Variants in PTPRK observed in about 807,000 individuals in gnomAD.
PTPRK encodes the protein protein tyrosine phosphatase receptor type K, also known as receptor-type tyrosine-protein phosphatase kappa.
Under a neutral mutation model 178.0 loss-of-function variants are expected in PTPRK, and 75 were observed. That is an observed-to-expected ratio of 0.42 (90% CI 0.35 to 0.51). The LOEUF (loss-of-function observed/expected upper bound fraction) is 0.51, where lower values mean the gene tolerates loss of function less well. PTPRK is among the 20% of genes least tolerant of loss of function. The pLI, the probability that PTPRK is intolerant of heterozygous loss-of-function variation, is 0.02. For synonymous variants in PTPRK, 637 were observed against 620.6 expected (o/e 1.03, Z -0.39); for missense variants, 1,441 against 1,797.8 (o/e 0.80, Z 3.59).
chr6:128,136,770 T>C (rs867100615), intron 7 of PTPRK, among the ~76,000 whole-genome samples: 9 of 152,204 alleles, frequency 5.9e-5, no homozygotes, highest in South Asian at 2.1e-4. Context: ...ACTTGGGTGA[T>C]AGCCAACAAA....
intron 1 of PTPRK, among the ~76,000 whole-genome samples, chr6:128,462,948 C>T (rs1394104410): frequency 2.0e-5 from 3 of 152,012 alleles, no homozygotes; most frequent in Admixed American, 6.6e-5. Flanking sequence ...TGGGAGCCAC[C>T]GTGCCCAGTC....
intron 1 of PTPRK, among the ~76,000 whole-genome samples, chr6:128,420,131 C>G (rs533056958): frequency 6.6e-6 from 1 of 152,296 alleles, no homozygotes; most frequent in South Asian, 2.1e-4. Flanking sequence ...TTGCACTTTG[C>G]TTAAAATGTA....
intron 2 of PTPRK, among the ~76,000 whole-genome samples, chr6:128,391,038 T>C (rs1160047487): frequency 6.6e-6 from 1 of 152,136 alleles, no homozygotes; most frequent in Non-Finnish European, 1.5e-5. Context: ...GGTGAGAATG[T>C]AGGGGATTAT....
At chr6:128,268,510 T>C (rs1819298639) in intron 3 of PTPRK, among the ~76,000 whole-genome samples, 1 of 151,960 alleles carries the variant, frequency 6.6e-6, no homozygotes, top group African/African-American at 2.4e-5. Flanking sequence ...GGGAATGGGG[T>C]CCTTATTCAG....
chr6:128,134,429 C>A (rs143431677), intron 7 of PTPRK, among the ~76,000 whole-genome samples: 37 of 152,254 alleles, frequency 2.4e-4, no homozygotes, highest in African/African-American at 8.4e-4. Context: ...TAGTTTTATG[C>A]GTCAGCTTGG....
At chr6:128,504,835 G>C (rs1264679526) in intron 1 of PTPRK, among the ~76,000 whole-genome samples, 1 of 152,046 alleles carries the variant, frequency 6.6e-6, no homozygotes, top group East Asian at 1.9e-4. Context: ...TTTCATTATA[G>C]AGATCTCCCA....
intron 13 of PTPRK, among the ~76,000 whole-genome samples, chr6:128,059,666 CG>C (rs1416167040): frequency 1.3e-5 from 2 of 152,078 alleles, no homozygotes; most frequent in African/African-American, 4.8e-5. Flanking sequence ...CTCCCGTAGA[CG>C]TGGCCATAAA....
chr6:128,078,914 T>C lies in PTPRK; in HGVS notation c.1782A>G (p.Pro594=). ...AINVTTNISA[P]TLPDYEGVDA... ...CAACTCCTTCATAGTCAGGTAAAGT[T>C]GGAGCTGATGAGTGATTAATGAGAT... The change falls in exon 11 of 30, where the codon CCA becomes CCG. Residue 594 remains proline (P), a synonymous_variant. Transcript: ENST00000368226. The C allele has an allele frequency of 6.3e-7, 1 of 1,596,160 alleles. No individual in the cohort carries two copies. The highest frequency in any genetic ancestry group is 1.3e-5 in the African/African-American group (1 of 74,568).
At chr6:128,119,336 G>A (rs757312931) in intron 7 of PTPRK, among the ~76,000 whole-genome samples, 2 of 151,358 alleles carry the variant, frequency 1.3e-5, no homozygotes, top group East Asian at 1.9e-4. Context: ...AGATCAAAAT[G>A]AATTGTATTA....
At chr6:128,513,354 G>A (rs1050225594) in intron 1 of PTPRK, among the ~76,000 whole-genome samples, 5 of 151,476 alleles carry the variant, frequency 3.3e-5, no homozygotes, top group Non-Finnish European at 5.9e-5. Flanking sequence ...GCATGGTGGC[G>A]CACCTGTAAT....
chr6:128,242,421 G>A (rs565464178), intron 4 of PTPRK, 100 bp downstream of exon 4: 6 of 1,463,692 alleles, frequency 4.1e-6, no homozygotes, highest in Non-Finnish European at 5.4e-6. Flanking sequence ...AATAACAAGA[G>A]AGACAGCAAA....
At chr6:127,991,587 T>G (rs1583542226) in intron 19 of PTPRK, among the ~76,000 whole-genome samples, 196 bp from the exon 20 acceptor site, 1 of 151,148 alleles carries the variant, frequency 6.6e-6, no homozygotes, top group African/African-American at 2.4e-5. Context: ...ACAAGTTTTT[T>G]TTTTTTTTTT....
In PTPRK at chr6:128,100,110, A is replaced by AAAATGTG. The variant is rs145786729; in HGVS notation, c.1163-10125_1163-10119dup. 1.3e-3 allele frequency among the ~76,000 whole-genome samples: 205 copies of AAAATGTG among 152,180 alleles called. 1 individual carries two copies. The highest frequency in any genetic ancestry group is 4.8e-3 in the African/African-American group (201 of 41,564). ...TCAAGCTGAGATAGTAAACACAGTGAAAATGTGACAAAAAGAATTACAAAA... is the reference window on the plus strand; with the variant it reads ...TCAAGCTGAGATAGTAAACACAGTGAAAATGTGAAATGTGACAAAAAGAATTACAAAA... On this transcript the variant is annotated intron_variant, in intron 7 of 29. Coordinates refer to ENST00000368226, the MANE Select transcript of PTPRK (RefSeq NM_002844.4).
intron 29 of PTPRK, among the ~76,000 whole-genome samples, chr6:127,970,493 T>A (rs1252744362): frequency 6.6e-6 from 1 of 152,130 alleles, no homozygotes; most frequent in Non-Finnish European, 1.5e-5. Context: ...AAAAAGACAT[T>A]TTATCTTTGC....
intron 2 of PTPRK, among the ~76,000 whole-genome samples, chr6:128,390,240 T>C (rs1344194478): frequency 6.6e-6 from 1 of 152,146 alleles, no homozygotes; most frequent in Non-Finnish European, 1.5e-5. Context: ...CATGCTCTAA[T>C]GAGACAGCAG....
At chr6:128,024,116 GTCATCACAGTAAC>G (rs1773931761) in intron 13 of PTPRK, among the ~76,000 whole-genome samples, 1 of 152,114 alleles carries the variant, frequency 6.6e-6, no homozygotes, top group African/African-American at 2.4e-5. Context: ...AATATTCCAA[GTCATCACAGTAAC>G]TCAATCCTTT....
intron 8 of PTPRK, among the ~76,000 whole-genome samples, chr6:128,085,403 A>T (rs1785592994): frequency 6.6e-6 from 1 of 152,220 alleles, no homozygotes; most frequent in Non-Finnish European, 1.5e-5. Flanking sequence ...CAAATGACAT[A>T]CACTTATGAT....
chr6:128,234,709 T>G (rs1812904772), intron 5 of PTPRK, among the ~76,000 whole-genome samples: 1 of 151,814 alleles, frequency 6.6e-6, no homozygotes, highest in Non-Finnish European at 1.5e-5. Flanking sequence ...CCACAAATTG[T>G]CTATCTATTA....
chr6:128,152,988 T>A (rs1236929295), intron 7 of PTPRK, among the ~76,000 whole-genome samples: 2 of 151,934 alleles, frequency 1.3e-5, no homozygotes, highest in Non-Finnish European at 2.9e-5. Context: ...CCTCTTTTTT[T>A]AAATTACAGA....
Sources: allele counts gnomAD v4.1 joint callset (sites outside exome capture counted in the v4.1 genomes callset), GRCh38; gene constraint gnomAD v4.1.1; transcripts MANE v1.5; gene names NCBI Gene and HGNC (gene_info 2026-07-23, HGNC 2026-07-21).